Variants in RPA1 observed in about 807,000 individuals in gnomAD.
RPA1 encodes replication protein A1, also known as replication protein A 70 kDa DNA-binding subunit.
In RPA1, 49 loss-of-function variants were observed where a neutral mutation model predicts 83.0. The observed-to-expected ratio is 0.59, with a 90% CI of 0.47 to 0.75. The LOEUF is 0.75. Ranked by LOEUF, RPA1 falls within the 30% of genes least tolerant of loss-of-function variation. The probability of loss-of-function intolerance (pLI) is 0.00; values close to 1 mark genes in which losing one functional copy is unlikely to be tolerated. For synonymous variants in RPA1, 279 were observed against 281.8 expected (o/e 0.99, Z 0.10); for missense variants, 693 against 776.1 (o/e 0.89, Z 1.27).
chr17:1,889,978 C>T (rs999543822), intron 14 of RPA1, among the ~76,000 whole-genome samples: 3 of 151,280 alleles, frequency 2.0e-5, no homozygotes, highest in Non-Finnish European at 2.9e-5. Context: ...CCAGCCCGGG[C>T]GACAAGAGCA....
chr17:1,862,194 ATTTTTTTTTTTTT>A (rs57509401), intron 5 of RPA1, among the ~76,000 whole-genome samples: 1 of 93,160 alleles, frequency 1.1e-5, no homozygotes, highest in East Asian at 3.3e-4. Context: ...CCCCAACCGT[ATTTTTTTTTTTTT>A]TTTTTTTTTT....
intron 3 of RPA1, 149 bp from the exon 4 acceptor site, chr17:1,844,429 T>C (rs1407792144): frequency 5.0e-6 from 3 of 594,294 alleles, no homozygotes; most frequent in Non-Finnish European, 9.0e-6. Flanking sequence ...GGCAGCAAAA[T>C]ACACAGTTTT....
intron 5 of RPA1, among the ~76,000 whole-genome samples, chr17:1,868,725 C>T (rs1009597435): frequency 6.6e-6 from 1 of 151,956 alleles, no homozygotes; most frequent in Non-Finnish European, 1.5e-5. Flanking sequence ...GGCAACACAG[C>T]GAGACCCCGT....
chr17:1,871,181 C>A lies in RPA1; in HGVS notation c.362-1253C>A, dbSNP rs17338739. ...AGCCAAAATGTAAACACAAAAATTT[C>A]ACTGTCAATAATCTGGCTCTTTTTC... On this transcript the variant is annotated intron_variant, in intron 5 of 16. Coordinates refer to ENST00000254719, the MANE Select transcript of RPA1 (RefSeq NM_002945.5). Among the ~76,000 whole-genome samples the A allele has an allele frequency of 5.9e-3, 906 of 152,276 alleles. 11 individuals carry two copies. The highest frequency in any genetic ancestry group is 0.021 in the African/African-American group (862 of 41,550).
chr17:1,832,559 G>A (rs11651824), intron 1 of RPA1, among the ~76,000 whole-genome samples: 31,127 of 151,522 alleles, frequency 0.21, 3,363 homozygotes, highest in Admixed American at 0.24. Context: ...GCTAATTTTT[G>A]TATTTTTAGT....
chr17:1,842,105 CCTCGGCCTCCCAA>C (rs1912069881), intron 1 of RPA1, among the ~76,000 whole-genome samples: 1 of 152,136 alleles, frequency 6.6e-6, no homozygotes, highest in Admixed American at 6.5e-5. Flanking sequence ...AGTCCTCCCA[CCTCGGCCTCCCAA>C]AGTGCTAGGA....
chr17:1,880,160 GTCCTATAGGATGGGGCTGTTA>G (rs1286058628), intron 11 of RPA1, among the ~76,000 whole-genome samples: 1 of 151,140 alleles, frequency 6.6e-6, no homozygotes, highest in Admixed American at 6.6e-5. Flanking sequence ...GGGGCGTCTT[GTCCTATAGGATGGGGCTGTTA>G]GCACACACAG....
In RPA1 at chr17:1,898,649, G is replaced by A. The variant is rs1276224236; in HGVS notation, c.*1474G>A. On this transcript the variant is annotated 3_prime_UTR_variant, in exon 17 of 17. Coordinates refer to ENST00000254719, the MANE Select transcript of RPA1 (RefSeq NM_002945.5). ...CCTCGGTGTCTGCCGTTGACATAGG[G>A]GCCAGCCAGCCCTAGACGGGATGAC... The A allele has an allele frequency of 2.0e-5, 3 of 152,146 alleles. No homozygotes were observed. The highest frequency in any genetic ancestry group is 1.9e-4 in the East Asian group (1 of 5,200). The allele number at this position is 152,146 out of a possible 1,614,324, so 9.4% of individuals were successfully genotyped here.
intron 5 of RPA1, among the ~76,000 whole-genome samples, chr17:1,859,337 G>C (rs1912850470): frequency 6.6e-6 from 1 of 152,120 alleles, no homozygotes; most frequent in East Asian, 1.9e-4. Context: ...GTGTTATTCA[G>C]TTTTTCTATA....
rs1309951856 is a variant in RPA1 at position 1,843,981 on chromosome 17, G to C, written c.146G>C (p.Gly49Ala). Reference protein sequence around the residue: ...PPRYRLLMSDGLNTLSSFMLA... With the variant: ...PPRYRLLMSDALNTLSSFMLA... ...CGTTATCGACTGCTCATGAGTGATG[G>C]ATTGAACACTCTATCCTGTGAGTAT... The change falls in exon 3 of 17, where the codon GGA (glycine) becomes GCA (alanine). Residue 49 changes from glycine to alanine, a missense_variant. By Grantham distance (60) the Gly-to-Ala change is moderately conservative. Transcript: ENST00000254719. The C allele has an allele frequency of 6.2e-7, 1 of 1,613,564 alleles. No individual in the cohort carries two copies. The highest frequency in any genetic ancestry group is 8.5e-7 in the Non-Finnish European group (1 of 1,179,644).
At chr17:1,853,814 A>G (rs968487453) in intron 5 of RPA1, among the ~76,000 whole-genome samples, 1 of 152,234 alleles carries the variant, frequency 6.6e-6, no homozygotes, top group Non-Finnish European at 1.5e-5. Flanking sequence ...CCTAAGACTT[A>G]TGTACACTTT....
intron 6 of RPA1, among the ~76,000 whole-genome samples, chr17:1,874,611 T>G (rs1276088106): frequency 6.6e-6 from 1 of 152,234 alleles, no homozygotes; most frequent in East Asian, 1.9e-4. Context: ...ATTGGATGAA[T>G]GGATGCTTGT....
chr17:1,858,865 G>A (rs1219800928), intron 5 of RPA1, among the ~76,000 whole-genome samples: 1 of 150,306 alleles, frequency 6.7e-6, no homozygotes, highest in African/African-American at 2.4e-5. Context: ...TAAATGTATT[G>A]TCTTATTTTG....
chr17:1,878,234 CA>C (rs756188016), intron 8 of RPA1, among the ~76,000 whole-genome samples: 1 of 152,030 alleles, frequency 6.6e-6, no homozygotes, highest in South Asian at 2.1e-4. Context: ...GACTCCATCT[CA>C]AAAATAATAA....
rs577606381 is a variant in RPA1 at position 1,865,921 on chromosome 17, G to A, written c.362-6513G>A. 1.4e-4 allele frequency among the ~76,000 whole-genome samples: 22 copies of A among 152,198 alleles called. 1 individual carries two copies. In the East Asian group the frequency reaches 3.7e-3, roughly 25 times the overall value. On this transcript the variant is annotated intron_variant, in intron 5 of 16. Transcript: ENST00000254719. ...AAGTGCTAGGATTACAGGCGTGAGC[G>A]CTGCGCCCAGCCATATCCTGTTTTT... is the stretch of plus-strand genomic sequence containing the variant.
At chr17:1,862,164 T>C (rs977344035) in intron 5 of RPA1, among the ~76,000 whole-genome samples, 29 of 150,370 alleles carry the variant, frequency 1.9e-4, no homozygotes, top group Admixed American at 1.2e-3. Context: ...AGTGCTGGGA[T>C]TACAGGCGTG....
intron 1 of RPA1, among the ~76,000 whole-genome samples, chr17:1,842,482 T>C (rs1194749159): frequency 6.6e-6 from 1 of 152,210 alleles, no homozygotes; most frequent in African/African-American, 2.4e-5. Flanking sequence ...TCCCTTATTA[T>C]CTCTTTAATG....
intron 13 of RPA1, among the ~76,000 whole-genome samples, chr17:1,887,523 C>A (rs921618240): frequency 1.2e-4 from 18 of 149,836 alleles, no homozygotes; most frequent in Non-Finnish European, 2.1e-4. Context: ...CATGCCACTG[C>A]ACTCCAGCCT....
chr17:1,865,838 C>G (rs1201040888), intron 5 of RPA1, among the ~76,000 whole-genome samples: 1 of 152,202 alleles, frequency 6.6e-6, no homozygotes. Context: ...CCTCACTATG[C>G]TGTTCAGGCT....
Sources: allele counts gnomAD v4.1 joint callset (sites outside exome capture counted in the v4.1 genomes callset), GRCh38; gene constraint gnomAD v4.1.1; transcripts MANE v1.5; gene names NCBI Gene and HGNC (gene_info 2026-07-23, HGNC 2026-07-21).